Variants in INO80C observed in about 807,000 individuals in gnomAD.
INO80C encodes the protein INO80 complex subunit C.
In INO80C, 17 loss-of-function variants were observed where a neutral mutation model predicts 17.7. That is an observed-to-expected ratio of 0.96 (90% confidence interval 0.66 to 1.44). The LOEUF (loss-of-function observed/expected upper bound fraction) is 1.44, where lower values mean the gene tolerates loss of function less well. Ranked by LOEUF, INO80C falls within the 40% of genes most tolerant of loss-of-function variation. INO80C has a pLI of 0.00. For missense variants in INO80C, 244 were observed against 245.0 expected, an observed-to-expected ratio of 1.00 and a Z score of 0.03; for synonymous variants, 96 against 95.8, an observed-to-expected ratio of 1.00 and a Z score of -0.01.
At chr18:35,497,302 A>G in intron 1 of INO80C, 2 of 980,440 alleles carry the variant, frequency 2.0e-6, no homozygotes, top group South Asian at 9.4e-5. Context: ...ATACTTATCA[A>G]TACATCTTGT....
intron 1 of INO80C, chr18:35,497,000 C>T (rs1021388590): frequency 6.6e-6 from 1 of 152,238 alleles, no homozygotes; most frequent in East Asian, 1.9e-4. Flanking sequence ...GGTGGTGTCA[C>T]ACCATATGCT....
chr18:35,497,883 G>C lies in INO80C; in HGVS notation c.-9C>G, dbSNP rs558797368. 9.7e-6 allele frequency: 15 copies of C among 1,553,618 alleles called. No homozygotes were observed. Among genetic ancestry groups the C allele is most frequent in the African/African-American group, 5.6e-5 (4 of 71,414 alleles). ...GGAATTTGCGCCGCCATCGCACTCC[G>C]AGTCTTCCCCTGGTCCCCCCACCTT... On this transcript the variant is annotated 5_prime_UTR_variant, in exon 1 of 5. Transcript: ENST00000334598.
intron 4 of INO80C, among the ~76,000 whole-genome samples, chr18:35,470,501 T>C (rs1277230669): frequency 6.6e-6 from 1 of 152,184 alleles, no homozygotes; most frequent in Admixed American, 6.5e-5. Flanking sequence ...TTAGGTTAAC[T>C]AGCAGGAGAG....
chr18:35,495,436 A>C (rs2045971463), intron 1 of INO80C, among the ~76,000 whole-genome samples: 1 of 152,206 alleles, frequency 6.6e-6, no homozygotes, highest in South Asian at 2.1e-4. Context: ...TCAGTTGGGA[A>C]AAGGAGAGTC....
chr18:35,474,233 A>ATATATATATATGTG (rs2045706894), intron 4 of INO80C, among the ~76,000 whole-genome samples: 1 of 134,060 alleles, frequency 7.5e-6, no homozygotes, highest in African/African-American at 2.7e-5. Flanking sequence ...ATATATATAT[A>ATATATATATATGTG]TATATATATA....
At chr18:35,496,642 T>C (rs2045984119) in intron 1 of INO80C, 1 of 152,228 alleles carries the variant, frequency 6.6e-6, no homozygotes, top group East Asian at 1.9e-4. Flanking sequence ...CGCTGTAACC[T>C]TGAAATCTTG....
intron 1 of INO80C, among the ~76,000 whole-genome samples, chr18:35,493,186 A>G (rs1157718014): frequency 6.6e-6 from 1 of 152,226 alleles, no homozygotes; most frequent in African/African-American, 2.4e-5. Flanking sequence ...ATTAAATGAC[A>G]TAGTACTTAG....
At chr18:35,478,770 C>G (rs576622126) in intron 3 of INO80C, among the ~76,000 whole-genome samples, 29 of 152,298 alleles carry the variant, frequency 1.9e-4, no homozygotes, top group African/African-American at 6.7e-4. Context: ...ATGTGAGTCA[C>G]CCCCATGAAA....
rs556939163 is a variant in INO80C, at chr18:35,491,204, CAG to C, written c.156+6513_156+6514del. On this transcript the variant is annotated intron_variant, in intron 1 of 4. Transcript: ENST00000334598. ...GTTTAGTTCCAAGGCCCCAGGGAGA[CAG>C]GGGAGAAAAATGCCAGACAGGGGCC... 7.9e-4 allele frequency among the ~76,000 whole-genome samples: 120 copies of C among 152,234 alleles called. 1 individual carries two copies. The highest frequency in any genetic ancestry group is 1.6e-3 in the Admixed American group (25 of 15,292).
chr18:35,490,801 G>A (rs997624292), intron 1 of INO80C, among the ~76,000 whole-genome samples: 5 of 151,904 alleles, frequency 3.3e-5, no homozygotes, highest in African/African-American at 7.3e-5. Context: ...TGTCACCCAC[G>A]CTGCAGTGCA....
rs146739178 is a variant in INO80C, at chr18:35,492,832, T to C, written c.156+4887A>G. 4.0e-3 allele frequency among the ~76,000 whole-genome samples: 605 copies of C among 152,352 alleles called. 10 individuals carry two copies. The highest frequency in any genetic ancestry group is 0.014 in the African/African-American group (566 of 41,588). On this transcript the variant is annotated intron_variant, in intron 1 of 4. Transcript: ENST00000334598. ...AGGCTATTAAGTAACTCTCAGTCTA[T>C]AGGTTAATTAGATTTCTCAGTACAT...
At chr18:35,469,444 C>G (rs1053028114) in intron 4 of INO80C, among the ~76,000 whole-genome samples, 11 of 152,192 alleles carry the variant, frequency 7.2e-5, no homozygotes, top group Non-Finnish European at 1.5e-4. Context: ...CATGTCCCCA[C>G]TCTCTGATTC....
chr18:35,469,382 T>C (rs12457825), intron 4 of INO80C, among the ~76,000 whole-genome samples: 11,229 of 152,282 alleles, frequency 0.074, 655 homozygotes, highest in Non-Finnish European at 0.1. Flanking sequence ...AAGTCCTCAG[T>C]GCAGCTCCTC....
chr18:35,469,661 T>C (rs2045645786), intron 4 of INO80C, among the ~76,000 whole-genome samples: 1 of 152,094 alleles, frequency 6.6e-6, no homozygotes, highest in Non-Finnish European at 1.5e-5. Flanking sequence ...GCAGCAAAAA[T>C]ATTCCAGTGG....
intron 4 of INO80C, among the ~76,000 whole-genome samples, chr18:35,475,795 G>A (rs1250075113): frequency 6.6e-6 from 1 of 152,082 alleles, no homozygotes; most frequent in Admixed American, 6.6e-5. Context: ...GAAAGAATAT[G>A]ACATCAGATT....
chr18:35,495,786 A>G (rs575885049), intron 1 of INO80C, among the ~76,000 whole-genome samples: 25 of 152,356 alleles, frequency 1.6e-4, no homozygotes, highest in African/African-American at 5.8e-4. Context: ...GAGTCTAATC[A>G]AGAAAGATAA....
At position 35,468,680 on chromosome 18, in the gene INO80C, A is replaced by G; in HGVS notation, c.510T>C (p.Ile170=). The change falls in exon 5 of 5, where the codon ATT becomes ATC. Residue 170 remains isoleucine, a synonymous_variant. Coordinates refer to ENST00000334598, the MANE Select transcript of INO80C (RefSeq NM_194281.4). ...TGACGACGTCAGAGGGCAGCCTCCGAATGTAGGAAAACTCTTCAATGGTGC... is the reference window on the plus strand; with the variant it reads ...TGACGACGTCAGAGGGCAGCCTCCGGATGTAGGAAAACTCTTCAATGGTGC... ...RFSTIEEFSY[I]RRLPSDVVTG... 1 of 1,614,058 alleles carries G rather than the reference A, an allele frequency of 6.2e-7. No homozygotes were observed. Among genetic ancestry groups the G allele is most frequent in the African/African-American group, 1.3e-5 (1 of 75,018 alleles).
At chr18:35,479,176 A>C (rs2045775192) in intron 3 of INO80C, 124 bp downstream of exon 3, 1 of 640,396 alleles carries the variant, frequency 1.6e-6, no homozygotes, top group Admixed American at 2.8e-5. Context: ...TGATGCCACT[A>C]TAAAATTCTC....
chr18:35,471,567 A>T (rs187912933), intron 4 of INO80C, among the ~76,000 whole-genome samples: 83 of 152,048 alleles, frequency 5.5e-4, no homozygotes, highest in Admixed American at 5.4e-3. Context: ...TCTCATAAGC[A>T]TTTCTGCATG....
Sources: allele counts gnomAD v4.1 joint callset (sites outside exome capture counted in the v4.1 genomes callset), GRCh38; gene constraint gnomAD v4.1.1; transcripts MANE v1.5; gene names NCBI Gene and HGNC (gene_info 2026-07-23, HGNC 2026-07-21).